The following TTC39C variants were observed in gnomAD, a reference collection of about 807,000 sequenced individuals.
The protein encoded by TTC39C is tetratricopeptide repeat protein 39C.
Under a neutral mutation model 76.3 loss-of-function variants are expected in TTC39C, and 33 were observed. The ratio of observed to expected loss-of-function variants is 0.43; its 90% CI spans 0.33 to 0.58. TTC39C has a LOEUF of 0.58. TTC39C is among the 20% of genes least tolerant of loss of function. The probability of loss-of-function intolerance (pLI) is 0.04; values close to 1 mark genes in which losing one functional copy is unlikely to be tolerated. For missense variants in TTC39C, 595 were observed against 701.4 expected (o/e 0.85, Z 1.71); for synonymous variants, 254 against 260.6 (o/e 0.97, Z 0.24).
intron 6 of TTC39C, among the ~76,000 whole-genome samples, chr18:24,098,432 C>T (rs2084621108): frequency 8.0e-6 from 1 of 124,628 alleles, no homozygotes; most frequent in East Asian, 2.8e-4. Flanking sequence ...TTCCTTCCTC[C>T]TTTCCTTTCT....
At chr18:24,017,450 G>A (rs920023579) in intron 1 of TTC39C, among the ~76,000 whole-genome samples, 2 of 152,178 alleles carry the variant, frequency 1.3e-5, no homozygotes, top group East Asian at 3.8e-4. Context: ...CCATGGCCCC[G>A]ACTAAGTGTA....
At chr18:24,082,847 T>G in intron 5 of TTC39C, 66 bp from the exon 6 acceptor site, 1 of 1,488,486 alleles carries the variant, frequency 6.7e-7, no homozygotes, top group Non-Finnish European at 9.0e-7. Flanking sequence ...CATACTGGAG[T>G]TTTGAAAAAT....
intron 1 of TTC39C, among the ~76,000 whole-genome samples, chr18:24,024,289 G>C (rs988498062): frequency 6.6e-6 from 1 of 151,322 alleles, no homozygotes; most frequent in African/African-American, 2.4e-5. Context: ...GGGATTACAG[G>C]CATGAGCCAC....
intron 1 of TTC39C, among the ~76,000 whole-genome samples, chr18:24,001,383 TC>T (rs1209531657): frequency 1.3e-5 from 2 of 152,190 alleles, no homozygotes; most frequent in Non-Finnish European, 2.9e-5. Context: ...ATTAACCTCT[TC>T]CTTGATTCTA....
At chr18:24,128,287 C>G (rs571932168) in intron 10 of TTC39C, among the ~76,000 whole-genome samples, 3 of 152,140 alleles carry the variant, frequency 2.0e-5, no homozygotes, top group African/African-American at 7.2e-5. Context: ...GAGCGTATTC[C>G]TAGCCTGGCT....
chr18:24,001,832 T>TTTGG (rs2083313960), intron 1 of TTC39C, among the ~76,000 whole-genome samples: 1 of 134,344 alleles, frequency 7.4e-6, no homozygotes. Flanking sequence ...TGTTTTTTTT[T>TTTGG]TTTTTTTTTT....
At chr18:24,089,470 A>G (rs567294089) in intron 6 of TTC39C, among the ~76,000 whole-genome samples, 72 of 152,368 alleles carry the variant, frequency 4.7e-4, no homozygotes, top group African/African-American at 1.6e-3. Flanking sequence ...GAACTATACA[A>G]AATGAGAGAT....
At chr18:24,062,656 G>A (rs2084114662) in intron 1 of TTC39C, among the ~76,000 whole-genome samples, 1 of 152,034 alleles carries the variant, frequency 6.6e-6, no homozygotes, top group Non-Finnish European at 1.5e-5. Context: ...TATTAAATGG[G>A]AAAAGCAGAC....
At chr18:24,107,766 T>A (rs1052925314) in intron 6 of TTC39C, among the ~76,000 whole-genome samples, 4 of 152,232 alleles carry the variant, frequency 2.6e-5, no homozygotes, top group Admixed American at 2.0e-4. Flanking sequence ...ACTAACAAAC[T>A]TTTGTTTTTG....
At chr18:24,121,343 C>T (rs765511812) in intron 8 of TTC39C, among the ~76,000 whole-genome samples, 43 of 152,070 alleles carry the variant, frequency 2.8e-4, no homozygotes, top group Non-Finnish European at 5.6e-4. Context: ...GAGGCCGAGG[C>T]GTGTGGATCA....
intron 3 of TTC39C, among the ~76,000 whole-genome samples, chr18:24,068,843 G>A (rs893024627): frequency 1.3e-5 from 2 of 152,164 alleles, no homozygotes; most frequent in Non-Finnish European, 2.9e-5. Flanking sequence ...GGATAAGAAA[G>A]ACTTCATATT....
chr18:24,082,922 G>A lies in TTC39C; in HGVS notation c.825G>A (p.Leu275=), dbSNP rs371743578. 9.9e-6 allele frequency: 16 copies of A among 1,610,880 alleles called. No homozygotes were observed. The African/African-American group carries it at 1.9e-4, about 19-fold the overall frequency. ...DMKAPLATLA[L]LWYHTVVRPF... The stretch of plus-strand genomic sequence containing the variant: ...CTCCCTCTTCCTCTAGATTAGCTCT[G>A]CTCTGGTATCATACTGTAGTCCGCC... Residue 275 remains leucine (L), a synonymous_variant, in exon 6 of 14, where the codon CTG becomes CTA. Coordinates refer to ENST00000317571, the MANE Select transcript of TTC39C (RefSeq NM_001135993.2).
At position 24,066,098 on chromosome 18, in the gene TTC39C, G is replaced by T. The variant is rs774002518; in HGVS notation, c.303G>T (p.Glu101Asp). Residue 101 changes from glutamate (E) to aspartate (D), a missense_variant, in exon 3 of 14, where the codon GAG becomes GAT. By Grantham distance (45) the Glu-to-Asp change is conservative. Coordinates refer to ENST00000317571, the MANE Select transcript of TTC39C (RefSeq NM_001135993.2). ...CAGAAAAACTGTGTGAAAGTGAAGA[G>T]GCTGGAGTAATTGAAACAATCAAGA... Reference protein sequence around the residue: ...KTTEKLCESEEAGVIETIKNK... With the variant: ...KTTEKLCESEDAGVIETIKNK... 2 of 1,599,430 alleles carry T rather than the reference G, an allele frequency of 1.3e-6. No homozygotes were observed. The highest frequency in any genetic ancestry group is 1.7e-6 in the Non-Finnish European group (2 of 1,176,554).
chr18:24,095,298 G>C (rs1398017369), intron 6 of TTC39C, among the ~76,000 whole-genome samples: 1 of 152,238 alleles, frequency 6.6e-6, no homozygotes, highest in Non-Finnish European at 1.5e-5. Flanking sequence ...GTTGTGGCTG[G>C]TTTGATCTTC....
intron 6 of TTC39C, among the ~76,000 whole-genome samples, chr18:24,092,387 A>C (rs2084534131): frequency 6.6e-6 from 1 of 152,156 alleles, no homozygotes; most frequent in Non-Finnish European, 1.5e-5. Context: ...AAACTATATG[A>C]AACAGCAATT....
chr18:24,090,225 A>G (rs528924959), intron 6 of TTC39C, among the ~76,000 whole-genome samples: 1 of 152,300 alleles, frequency 6.6e-6, no homozygotes, highest in South Asian at 2.1e-4. Context: ...ATTTCAGTAT[A>G]TATATTTTTA....
At chr18:24,098,320 A>G in intron 6 of TTC39C, among the ~76,000 whole-genome samples, 1 of 151,756 alleles carries the variant, frequency 6.6e-6, no homozygotes, top group Non-Finnish European at 1.5e-5. Context: ...GAAAGTGTAC[A>G]TAGTTATTTT....
At chr18:24,092,523 T>G (rs2084536346) in intron 6 of TTC39C, among the ~76,000 whole-genome samples, 1 of 152,212 alleles carries the variant, frequency 6.6e-6, no homozygotes, top group Non-Finnish European at 1.5e-5. Context: ...ATGTGATACA[T>G]TCATACAATG....
chr18:24,021,778 T>C (rs2083520964), intron 1 of TTC39C, among the ~76,000 whole-genome samples: 1 of 152,216 alleles, frequency 6.6e-6, no homozygotes. Flanking sequence ...ACAAGAAATA[T>C]GCCTACATAT....
Sources: gnomAD v4.1 joint callset for allele counts (sites outside exome capture counted in the v4.1 genomes callset) on GRCh38, gnomAD v4.1.1 for gene constraint, MANE v1.5 for transcripts, NCBI Gene and HGNC (gene_info 2026-07-23, HGNC 2026-07-21) for gene names.